RSU1: variants seen among roughly 807,000 people sequenced by gnomAD.
The protein encoded by RSU1 is Ras suppressor protein 1, also known as rsu-1.
Under a neutral mutation model 31.1 loss-of-function variants are expected in RSU1, and 26 were observed. That is an observed-to-expected ratio of 0.84 (90% confidence interval 0.61 to 1.16). The LOEUF is 1.16. RSU1 is among the 50% of genes most tolerant of loss of function. The pLI, the probability that RSU1 is intolerant of heterozygous loss-of-function variation, is 0.00. For missense variants in RSU1, 320 were observed against 339.1 expected, an observed-to-expected ratio of 0.94 and a Z score of 0.44; for synonymous variants, 164 against 136.3, an observed-to-expected ratio of 1.20 and a Z score of -1.41.
intron 2 of RSU1, among the ~76,000 whole-genome samples, chr10:16,807,691 G>A (rs1250837546): frequency 2.6e-5 from 4 of 152,078 alleles, no homozygotes; most frequent in Non-Finnish European, 5.9e-5. Context: ...GGCAGGGCTA[G>A]CCCAATAACA....
chr10:16,724,910 A>G (rs750006090), intron 7 of RSU1, among the ~76,000 whole-genome samples: 1 of 152,256 alleles, frequency 6.6e-6, no homozygotes, highest in Non-Finnish European at 1.5e-5. Flanking sequence ...GTTGAGTGAA[A>G]GAAGCCAGAA....
At chr10:16,785,166 T>C (rs1265167728) in intron 2 of RSU1, among the ~76,000 whole-genome samples, 1 of 152,058 alleles carries the variant, frequency 6.6e-6, no homozygotes, top group Non-Finnish European at 1.5e-5. Flanking sequence ...TCTAATCAGC[T>C]GCCAGCATGG....
At chr10:16,805,138 C>CAG (rs1439420984) in intron 2 of RSU1, among the ~76,000 whole-genome samples, 1 of 151,846 alleles carries the variant, frequency 6.6e-6, no homozygotes, top group Non-Finnish European at 1.5e-5. Context: ...ACCTGGGAGG[C>CAG]AGAGGCTGCA....
intron 8 of RSU1, among the ~76,000 whole-genome samples, chr10:16,606,999 C>T (rs1376937346): frequency 6.6e-6 from 1 of 152,164 alleles, no homozygotes. Flanking sequence ...TAGTTTGGAT[C>T]TGTGTTCCCA....
chr10:16,665,561 C>T (rs1276753814), intron 8 of RSU1, among the ~76,000 whole-genome samples: 4 of 152,206 alleles, frequency 2.6e-5, no homozygotes, highest in Non-Finnish European at 1.5e-5. Context: ...AAAGCATTCA[C>T]ATCTTGTCCA....
intron 8 of RSU1, among the ~76,000 whole-genome samples, chr10:16,595,111 C>T (rs1833588965): frequency 6.6e-6 from 1 of 151,934 alleles, no homozygotes; most frequent in Admixed American, 6.6e-5. Context: ...GACATGGGGT[C>T]TCACTAGGTT....
At chr10:16,676,829 C>T (rs1835242153) in intron 8 of RSU1, among the ~76,000 whole-genome samples, 1 of 152,070 alleles carries the variant, frequency 6.6e-6, no homozygotes, top group African/African-American at 2.4e-5. Flanking sequence ...TCCCTAATCC[C>T]AAAATCAGAG....
At chr10:16,594,515 CG>C (rs886183701) in intron 8 of RSU1, among the ~76,000 whole-genome samples, 12 of 150,540 alleles carry the variant, frequency 8.0e-5, no homozygotes, top group Non-Finnish European at 1.8e-4. Context: ...TGGGCTCAAG[CG>C]ATCTCATGGC....
At position 16,754,119 on chromosome 10, in the gene RSU1, G is replaced by A. The variant is rs188004402; in HGVS notation, c.400+752C>T. 3.6e-3 allele frequency among the ~76,000 whole-genome samples: 554 copies of A among 152,140 alleles called. 1 individual carries two copies. Among genetic ancestry groups the A allele is most frequent in the Non-Finnish European group, 5.9e-3 (400 of 67,992 alleles). On this transcript the variant is annotated intron_variant, in intron 5 of 8. Coordinates refer to ENST00000345264, the MANE Select transcript of RSU1 (RefSeq NM_012425.4). ...CATGTGCTTGAGAAAGTCATAGAAA[G>A]GTAATGTACGTAAGGTAAAAAATAA... is the stretch of plus-strand genomic sequence containing the variant.
At chr10:16,722,418 G>A (rs1836285078) in intron 7 of RSU1, among the ~76,000 whole-genome samples, 1 of 152,284 alleles carries the variant, frequency 6.6e-6, no homozygotes, top group South Asian at 2.1e-4. Flanking sequence ...GCTGGTGGAT[G>A]TATGAATGGT....
chr10:16,747,521 C>T (rs1364939242), intron 7 of RSU1, among the ~76,000 whole-genome samples: 1 of 152,150 alleles, frequency 6.6e-6, no homozygotes, highest in Non-Finnish European at 1.5e-5. Context: ...TCTCTCACCC[C>T]TCATCTAAAC....
chr10:16,780,482 A>G (rs535200656), intron 3 of RSU1, among the ~76,000 whole-genome samples: 3 of 152,252 alleles, frequency 2.0e-5, no homozygotes, highest in Admixed American at 6.5e-5. Context: ...GGCTCAAGCA[A>G]TCCTCCTACC....
chr10:16,817,191 TGGGCGTCCGA>T (rs1270243279), intron 1 of RSU1, 107 bp from the exon 2 acceptor site: 19 of 723,104 alleles, frequency 2.6e-5, no homozygotes, highest in Middle Eastern at 2.5e-4. Context: ...TTGGAGCGGG[TGGGCGTCCGA>T]GGGCGTCCCA....
intron 2 of RSU1, among the ~76,000 whole-genome samples, chr10:16,800,439 T>C (rs1019622818): frequency 6.6e-6 from 1 of 152,054 alleles, no homozygotes; most frequent in African/African-American, 2.4e-5. Context: ...GTAACAAAAA[T>C]AAAGAGCGCC....
At chr10:16,616,291 C>G (rs35043552) in intron 8 of RSU1, among the ~76,000 whole-genome samples, 7 of 145,598 alleles carry the variant, frequency 4.8e-5, no homozygotes, top group African/African-American at 1.8e-4. Context: ...CCTCCCAAGA[C>G]TAAAGCAGGA....
chr10:16,773,857 G>A lies in RSU1; in HGVS notation c.160+8177C>T, dbSNP rs1342650229. Among the ~76,000 whole-genome samples the A allele has an allele frequency of 2.0e-5, 3 of 151,674 alleles. No individual in the cohort carries two copies. In the Admixed American group the frequency reaches 2.0e-4, roughly 10 times the overall value. On this transcript the variant is annotated intron_variant, in intron 3 of 8. Transcript: ENST00000345264. ...CTTTCTGAAGGATAAGCCAAATTCAGAGAAAGGGGTAGGAACATCAGTTTT... is the reference window on the plus strand; with the variant it reads ...CTTTCTGAAGGATAAGCCAAATTCAAAGAAAGGGGTAGGAACATCAGTTTT...
intron 4 of RSU1, among the ~76,000 whole-genome samples, chr10:16,762,230 A>T (rs1328719176): frequency 6.6e-6 from 1 of 152,122 alleles, no homozygotes; most frequent in East Asian, 1.9e-4. Context: ...TGATGATAAC[A>T]ATAGCTAACT....
At chr10:16,669,573 C>T (rs1293148254) in intron 8 of RSU1, among the ~76,000 whole-genome samples, 1 of 152,116 alleles carries the variant, frequency 6.6e-6, no homozygotes, top group Non-Finnish European at 1.5e-5. Context: ...GCTGCCATTT[C>T]TTCATCTTCT....
Position 16,750,203 on chromosome 10 carries a change from AT to A in RSU1, c.598+2335del, listed in dbSNP as rs1836947734. Among the ~76,000 whole-genome samples the A allele has an allele frequency of 5.9e-5, 9 of 152,218 alleles. No homozygotes were observed. In the South Asian group the frequency reaches 1.7e-3, roughly 28 times the overall value. ...TACTAATCTTGACTTTTTAAAAAAA[AT>A]CACCATTCAAAAATAAATAGTCCAT... On this transcript the variant is annotated intron_variant, in intron 7 of 8. Transcript: ENST00000345264.
Sources: gnomAD v4.1 joint callset for allele counts (sites outside exome capture counted in the v4.1 genomes callset) on GRCh38, gnomAD v4.1.1 for gene constraint, MANE v1.5 for transcripts, NCBI Gene and HGNC (gene_info 2026-07-23, HGNC 2026-07-21) for gene names.